The following BMPER variants were observed in gnomAD, a reference collection of about 807,000 sequenced individuals.
The protein encoded by BMPER is BMP-binding endothelial regulator protein.
BMPER carries 45 observed loss-of-function variants against 87.3 expected under a neutral mutation model. The ratio of observed to expected loss-of-function variants is 0.52; its 90% CI spans 0.41 to 0.66. The LOEUF is 0.66. Ranked by LOEUF, BMPER falls within the 30% of genes least tolerant of loss-of-function variation. The pLI is 0.00. For missense variants in BMPER, 784 were observed against 867.5 expected (o/e 0.90, Z 1.21); for synonymous variants, 326 against 316.2 (o/e 1.03, Z -0.33).
chr7:34,007,398 G>A (rs1244355639), intron 6 of BMPER, among the ~76,000 whole-genome samples: 1 of 151,982 alleles, frequency 6.6e-6, no homozygotes, highest in African/African-American at 2.4e-5. Context: ...TGAAAATACA[G>A]GCTTCTACTC....
At chr7:34,008,791 G>A (rs949221081) in intron 6 of BMPER, among the ~76,000 whole-genome samples, 5 of 151,684 alleles carry the variant, frequency 3.3e-5, no homozygotes, top group Admixed American at 3.3e-4. Context: ...CATCTTGTTA[G>A]GGAAGTATCC....
intron 13 of BMPER, among the ~76,000 whole-genome samples, chr7:34,120,595 TC>T (rs1482225850): frequency 1.3e-5 from 2 of 152,128 alleles, no homozygotes; most frequent in Admixed American, 1.3e-4. Flanking sequence ...ATGAGGTTTC[TC>T]CGTATTGGTC....
chr7:33,984,916 A>G (rs1480791230), intron 6 of BMPER, among the ~76,000 whole-genome samples: 2 of 151,874 alleles, frequency 1.3e-5, no homozygotes, highest in Non-Finnish European at 2.9e-5. Flanking sequence ...GACTTTTTAA[A>G]CTATCTGTCC....
chr7:34,016,531 C>T (rs1360632476), intron 6 of BMPER, among the ~76,000 whole-genome samples: 2 of 151,948 alleles, frequency 1.3e-5, no homozygotes, highest in African/African-American at 2.4e-5. Context: ...TTTATGATTT[C>T]TCAGATTCTT....
At chr7:33,928,915 G>A (rs559391457) in intron 2 of BMPER, among the ~76,000 whole-genome samples, 19 of 152,214 alleles carry the variant, frequency 1.2e-4, no homozygotes, top group African/African-American at 4.3e-4. Context: ...TAAAAGACAC[G>A]ATTCTGGCCA....
chr7:33,959,825 G>A (rs1179517916), intron 3 of BMPER, among the ~76,000 whole-genome samples: 1 of 152,170 alleles, frequency 6.6e-6, no homozygotes, highest in African/African-American at 2.4e-5. Flanking sequence ...TTATGCGACT[G>A]AGCCACAATT....
At chr7:34,020,257 G>A (rs1585743690) in intron 6 of BMPER, among the ~76,000 whole-genome samples, 1 of 152,054 alleles carries the variant, frequency 6.6e-6, no homozygotes, top group East Asian at 1.9e-4. Context: ...AGTATAAACC[G>A]TGGATATGGA....
Position 34,154,824 on chromosome 7 carries a change from G to C in BMPER, c.*1551G>C, listed in dbSNP as rs1791271312. On this transcript the variant is annotated 3_prime_UTR_variant, in exon 15 of 15. Transcript: ENST00000649409. ...CAGGGCGTAATAGTGACTGGCTGGG[G>C]GCACTGGGCCTTTGTGTTTTTTTTC... The C allele has an allele frequency of 6.6e-6, 1 of 151,854 alleles. No homozygotes were observed. The highest frequency in any genetic ancestry group is 1.5e-5 in the Non-Finnish European group (1 of 67,996). The allele number at this position is 151,854 out of a possible 1,614,324, so 9.4% of individuals were successfully genotyped here. A position where few individuals can be genotyped will look rare whatever the true frequency, so the allele number is the denominator to read the frequency against.
chr7:34,123,600 C>T (rs80108412), intron 13 of BMPER, among the ~76,000 whole-genome samples: 3,105 of 152,280 alleles, frequency 0.02, 57 homozygotes, highest in South Asian at 0.044. Context: ...TCTTCTTTCA[C>T]GTCTGAACTC....
chr7:34,090,633 C>A (rs1205948726), intron 13 of BMPER, among the ~76,000 whole-genome samples: 2 of 152,180 alleles, frequency 1.3e-5, no homozygotes, highest in African/African-American at 4.8e-5. Context: ...GTTTTTTATT[C>A]CTTGTGCCTA....
chr7:34,134,226 C>A (rs1163845437), intron 13 of BMPER, among the ~76,000 whole-genome samples: 1 of 152,122 alleles, frequency 6.6e-6, no homozygotes, highest in Non-Finnish European at 1.5e-5. Flanking sequence ...GAATTGAGCA[C>A]AAGTTTAAGA....
intron 6 of BMPER, among the ~76,000 whole-genome samples, chr7:34,011,692 A>G (rs1426634237): frequency 2.0e-5 from 3 of 151,774 alleles, no homozygotes; most frequent in Admixed American, 6.6e-5. Context: ...TAAGAAGAAC[A>G]AGCACATTCC....
intron 11 of BMPER, among the ~76,000 whole-genome samples, chr7:34,071,744 A>G (rs994444378): frequency 4.6e-5 from 7 of 152,204 alleles, no homozygotes; most frequent in Non-Finnish European, 1.0e-4. Context: ...TGAAAAGTTG[A>G]TACAGACCCT....
chr7:34,023,060 G>A (rs1262238257), intron 6 of BMPER, among the ~76,000 whole-genome samples: 1 of 152,066 alleles, frequency 6.6e-6, no homozygotes, highest in Non-Finnish European at 1.5e-5. Context: ...CATTGTACTC[G>A]AGAAACATCT....
intron 14 of BMPER, among the ~76,000 whole-genome samples, chr7:34,144,760 G>C (rs59800882): frequency 6.6e-6 from 1 of 152,160 alleles, no homozygotes; most frequent in Non-Finnish European, 1.5e-5. Flanking sequence ...TTGTCACCTG[G>C]TTCAAGGATT....
intron 14 of BMPER, among the ~76,000 whole-genome samples, chr7:34,143,915 C>T (rs887604427): frequency 6.6e-6 from 1 of 152,126 alleles, no homozygotes; most frequent in Non-Finnish European, 1.5e-5. Flanking sequence ...AGGTAGTGGG[C>T]ATTGTGCTGA....
At chr7:34,125,830 T>G (rs1790387570) in intron 13 of BMPER, among the ~76,000 whole-genome samples, 1 of 152,230 alleles carries the variant, frequency 6.6e-6, no homozygotes, top group Admixed American at 6.5e-5. Flanking sequence ...TATATTTAGA[T>G]ACAATGGAGG....
chr7:33,998,271 C>G (rs1786475119), intron 6 of BMPER, among the ~76,000 whole-genome samples: 1 of 152,160 alleles, frequency 6.6e-6, no homozygotes, highest in South Asian at 2.1e-4. Flanking sequence ...AATGGAGTTA[C>G]CTTGCTTAGT....
intron 12 of BMPER, among the ~76,000 whole-genome samples, chr7:34,080,661 A>T (rs1057210251): frequency 1.3e-5 from 2 of 152,192 alleles, no homozygotes; most frequent in Non-Finnish European, 2.9e-5. Context: ...TGTGCGTAAG[A>T]TGACCCATTA....
Sources: gnomAD v4.1 joint callset for allele counts (sites outside exome capture counted in the v4.1 genomes callset) on GRCh38, gnomAD v4.1.1 for gene constraint, MANE v1.5 for transcripts, NCBI Gene and HGNC (gene_info 2026-07-23, HGNC 2026-07-21) for gene names.